Variants in RELN observed in about 807,000 individuals in gnomAD.
RELN encodes the protein reelin.
In RELN, 108 loss-of-function variants were observed where a neutral mutation model predicts 427.6. The ratio of observed to expected loss-of-function variants is 0.25; its 90% CI spans 0.22 to 0.30. The LOEUF is 0.30. Ranked by LOEUF, RELN falls within the 10% of genes least tolerant of loss-of-function variation. The pLI is 1.00. For missense variants in RELN, 3,715 were observed against 4,302.8 expected (o/e 0.86, Z 3.82); for synonymous variants, 1,524 against 1,513.4 (o/e 1.01, Z -0.16).
At chr7:103,652,528 A>C (rs776993958) in intron 14 of RELN, 23 bp downstream of exon 14, 10 of 1,597,236 alleles carry the variant, frequency 6.3e-6, no homozygotes, top group Non-Finnish European at 8.6e-6. Context: ...AGTTTTGCAC[A>C]CTTACAAAAT....
intron 2 of RELN, among the ~76,000 whole-genome samples, chr7:103,911,748 G>T (rs866130576): frequency 4.5e-5 from 6 of 133,242 alleles, no homozygotes; most frequent in South Asian, 2.7e-4. Flanking sequence ...GTAAACTATC[G>T]CAAGAACAAA....
Position 103,620,637 on chromosome 7 carries a change from C to G in RELN, c.2703-8834G>C, listed in dbSNP as rs527741370. Reference sequence around the variant, plus strand: ...TACAGATGTGCACCACTACACCCAGCTAATTTCTGTATTTTTAGTAGAGAT... The same window carrying G: ...TACAGATGTGCACCACTACACCCAGGTAATTTCTGTATTTTTAGTAGAGAT... On this transcript the variant is annotated intron_variant, in intron 20 of 64. Transcript: ENST00000428762. This position sits in a 1 kb window ranked among gnomAD's most constrained non-coding sequence, Gnocchi z 4.1. Among the ~76,000 whole-genome samples, 2 of 152,162 alleles carry G rather than the reference C, an allele frequency of 1.3e-5. No individual in the cohort carries two copies. The highest frequency in any genetic ancestry group is 6.8e-3 in the Middle Eastern group (2 of 294).
At chr7:103,790,647 T>C (rs1563015287) in intron 3 of RELN, among the ~76,000 whole-genome samples, 1 of 152,072 alleles carries the variant, frequency 6.6e-6, no homozygotes, top group Non-Finnish European at 1.5e-5. Flanking sequence ...GGTAGTGCCC[T>C]GGTCATAGGA....
chr7:103,954,007 T>G (rs1435461905), intron 1 of RELN, among the ~76,000 whole-genome samples: 1 of 151,882 alleles, frequency 6.6e-6, no homozygotes, highest in East Asian at 1.9e-4. Context: ...CCTAACACTT[T>G]GGGAGGCAGA....
rs545808640 is a variant in RELN at position 103,631,286 on chromosome 7, CTTTTT to C, written c.2466-1115_2466-1111del. Among the ~76,000 whole-genome samples the C allele has an allele frequency of 9.1e-3, 709 of 77,784 alleles. 5 individuals are homozygous for C. The highest frequency in any genetic ancestry group is 0.044 in the Middle Eastern group (4 of 90). The allele number at this position is 77,784 out of a possible 152,430, so 51.0% of individuals were successfully genotyped here. On this transcript the variant is annotated intron_variant, in intron 19 of 64. Transcript: ENST00000428762. The stretch of plus-strand genomic sequence containing the variant: ...CAGAAATAAAACTTTAAAAACACTT[CTTTTT>C]TTTTTTTTTTTTTTTTTTTTGAGAT...
chr7:103,510,112 C>A (rs1829356456), intron 51 of RELN, among the ~76,000 whole-genome samples: 1 of 152,126 alleles, frequency 6.6e-6, no homozygotes, highest in East Asian at 1.9e-4. Flanking sequence ...CTAGAAATAC[C>A]ATTGCACCCA....
chr7:103,566,922 T>C lies in RELN; in HGVS notation c.4589-163A>G, dbSNP rs362802. Reference sequence around the variant, plus strand: ...ATGAATTAGTGGACCTGAAGGCTCATCAATTTTTTGATGGTTTCTAATGCA... The same window carrying C: ...ATGAATTAGTGGACCTGAAGGCTCACCAATTTTTTGATGGTTTCTAATGCA... On this transcript the variant is annotated intron_variant, in intron 31 of 64. Transcript: ENST00000428762. Among the ~76,000 whole-genome samples, 3,714 of 151,878 alleles carry C rather than the reference T, an allele frequency of 0.024. 69 individuals are homozygous for C. The highest frequency in any genetic ancestry group is 0.049 in the South Asian group (235 of 4,796).
chr7:103,889,298 A>G (rs1037156160), intron 2 of RELN, among the ~76,000 whole-genome samples: 1 of 152,156 alleles, frequency 6.6e-6, no homozygotes, highest in Non-Finnish European at 1.5e-5. Flanking sequence ...CCTGAGCTAC[A>G]CGGGAATGTT....
chr7:103,733,611 TA>T (rs1790414186), intron 6 of RELN, among the ~76,000 whole-genome samples: 1 of 143,252 alleles, frequency 7.0e-6, no homozygotes, highest in Non-Finnish European at 1.5e-5. Flanking sequence ...TATGCAGCCA[TA>T]AAAAATGATG....
chr7:103,553,827 C>T lies in RELN; in HGVS notation c.5802G>A (p.Lys1934=). The T allele has an allele frequency of 1.2e-6, 2 of 1,613,848 alleles. No individual in the cohort carries two copies. The highest frequency in any genetic ancestry group is 1.7e-6 in the Non-Finnish European group (2 of 1,179,858). ...FRLWQPYNNG[K]KEEIWIVDDF... is the part of the protein sequence containing the mutation. ...CATCAACAATCCAGATTTCTTCTTT[C>T]TTACCTAAGGCATTTTTGGATAAAG... Residue 1934 remains lysine, a synonymous_variant, in exon 39 of 65, where the codon AAG becomes AAA. Coordinates refer to ENST00000428762, the MANE Select transcript of RELN (RefSeq NM_005045.4).
At chr7:103,581,025 C>T (rs1831119018) in intron 28 of RELN, among the ~76,000 whole-genome samples, 1 of 152,130 alleles carries the variant, frequency 6.6e-6, no homozygotes, top group Middle Eastern at 3.4e-3. Flanking sequence ...TGGAGATGGG[C>T]AGGAAGGAGA....
intron 20 of RELN, among the ~76,000 whole-genome samples, chr7:103,618,762 G>C (rs1215873639): frequency 1.3e-5 from 2 of 152,144 alleles, no homozygotes; most frequent in African/African-American, 4.8e-5. Flanking sequence ...CTTAAAGCTA[G>C]ATAAACTTTT....
At position 103,808,590 on chromosome 7, in the gene RELN, T is replaced by C. The variant is rs547189512; in HGVS notation, c.473+24947A>G. ...CTTTAAGAAAATAGAGAATATACAG[T>C]GATACAAAGAAAAAATATTTTATAG... On this transcript the variant is annotated intron_variant, in intron 3 of 64. Coordinates refer to ENST00000428762, the MANE Select transcript of RELN (RefSeq NM_005045.4). Among the ~76,000 whole-genome samples, 23 of 150,996 alleles carry C rather than the reference T, an allele frequency of 1.5e-4. No homozygotes were observed. The East Asian group carries it at 4.3e-3, about 28-fold the overall frequency.
chr7:103,642,646 T>C (rs1021169276), intron 16 of RELN, among the ~76,000 whole-genome samples: 1 of 152,130 alleles, frequency 6.6e-6, no homozygotes, highest in Non-Finnish European at 1.5e-5. Context: ...AATTGTGTTG[T>C]AACAGCCTTC....
chr7:103,668,440 C>G (rs1406882144), intron 11 of RELN, among the ~76,000 whole-genome samples: 1 of 152,122 alleles, frequency 6.6e-6, no homozygotes, highest in East Asian at 1.9e-4. Context: ...TTGGAAGAAA[C>G]TGGGACACAC....
chr7:103,843,671 G>T (rs113327374), intron 2 of RELN, among the ~76,000 whole-genome samples: 9 of 152,188 alleles, frequency 5.9e-5, no homozygotes, highest in East Asian at 1.9e-4. Flanking sequence ...TTGTCCTCTT[G>T]GTAGACACAT....
At chr7:103,863,741 AG>A (rs1794126638) in intron 2 of RELN, among the ~76,000 whole-genome samples, 1 of 152,172 alleles carries the variant, frequency 6.6e-6, no homozygotes, top group South Asian at 2.1e-4. Context: ...CCCATTCTAC[AG>A]ATGAGGAAGT....
At chr7:103,907,533 G>T (rs574516454) in intron 2 of RELN, among the ~76,000 whole-genome samples, 1 of 151,640 alleles carries the variant, frequency 6.6e-6, no homozygotes, top group Non-Finnish European at 1.5e-5. Flanking sequence ...GCAGATTAGT[G>T]GTGGCCTAGG....
chr7:103,963,153 C>T (rs913100930), intron 1 of RELN, among the ~76,000 whole-genome samples: 16 of 102,532 alleles, frequency 1.6e-4, no homozygotes, highest in African/African-American at 4.7e-4. Flanking sequence ...TTCTCATTGG[C>T]GCTTTCTACT....
Sources: gnomAD v4.1 joint callset for allele counts (sites outside exome capture counted in the v4.1 genomes callset) on GRCh38, gnomAD v4.1.1 for gene constraint, Gnocchi (gnomAD v3.1) non-coding constraint, MANE v1.5 for transcripts, NCBI Gene and HGNC (gene_info 2026-07-23, HGNC 2026-07-21) for gene names.